SGCZ: variants seen among roughly 807,000 people sequenced by gnomAD.
SGCZ encodes the protein zeta-sarcoglycan.
Under a neutral mutation model 41.3 loss-of-function variants are expected in SGCZ, and 40 were observed. That is an observed-to-expected ratio of 0.97 (90% CI 0.75 to 1.26). SGCZ has a LOEUF of 1.26. Among genes scored for constraint, SGCZ ranks in the 50% most tolerant of loss-of-function variants. The pLI, the probability that SGCZ is intolerant of heterozygous loss-of-function variation, is 0.00. For synonymous variants in SGCZ, 206 were observed against 137.5 expected (o/e 1.50, Z -3.49); for missense variants, 552 against 369.8 (o/e 1.49, Z -4.04).
chr8:14,399,184 C>G (rs1311127665), intron 2 of SGCZ, among the ~76,000 whole-genome samples: 1 of 152,094 alleles, frequency 6.6e-6, no homozygotes, highest in African/African-American at 2.4e-5. Flanking sequence ...TATCTTTCAT[C>G]AGATTATTTT....
chr8:14,601,514 G>T (rs913849445), intron 1 of SGCZ, among the ~76,000 whole-genome samples: 10 of 152,002 alleles, frequency 6.6e-5, no homozygotes, highest in African/African-American at 2.2e-4. Flanking sequence ...TGATCTTTTG[G>T]ACAATTTATG....
chr8:14,258,707 A>G (rs935912741), intron 3 of SGCZ, among the ~76,000 whole-genome samples: 1 of 152,198 alleles, frequency 6.6e-6, no homozygotes, highest in African/African-American at 2.4e-5. Flanking sequence ...TGATTAGTTT[A>G]CCTGCAAGCA....
At chr8:14,910,457 A>G (rs1280970758) in intron 1 of SGCZ, among the ~76,000 whole-genome samples, 5 of 151,830 alleles carry the variant, frequency 3.3e-5, no homozygotes. Context: ...AATTTATTAA[A>G]TCTTAAATTT....
chr8:14,186,695 C>T (rs191910264), intron 4 of SGCZ, among the ~76,000 whole-genome samples: 1 of 152,162 alleles, frequency 6.6e-6, no homozygotes, highest in Admixed American at 6.6e-5. Context: ...ACAGGGGGTT[C>T]TGAAGCCTAT....
chr8:14,242,359 G>C (rs1369561466), intron 3 of SGCZ, among the ~76,000 whole-genome samples: 2 of 152,146 alleles, frequency 1.3e-5, no homozygotes, highest in African/African-American at 2.4e-5. Flanking sequence ...CAGTTATGAA[G>C]CTTACAATAA....
Position 14,554,935 on chromosome 8 carries a change from GA to G in SGCZ, c.40-10del. On this transcript the variant is annotated splice_polypyrimidine_tract_variant and intron_variant, in intron 1 of 7. Coordinates refer to ENST00000382080, the MANE Select transcript of SGCZ (RefSeq NM_139167.4). ...TATTGTTCTCGTGTCATCTGAAAAA[GA>G]AAAAAGAAAGAAAGAGAAAGAAGGA... 7.2e-7 allele frequency: 1 copy of G among 1,384,950 alleles called. No individual in the cohort carries two copies. The allele number at this position is 1,384,950 out of a possible 1,614,324, so 85.8% of individuals were successfully genotyped here.
intron 1 of SGCZ, among the ~76,000 whole-genome samples, chr8:14,651,307 CAT>C (rs1807391487): frequency 4.6e-5 from 7 of 152,154 alleles, no homozygotes. Context: ...ATATTTTTAA[CAT>C]ATTATTTCCT....
At chr8:15,030,554 T>C (rs1803622945) in intron 1 of SGCZ, among the ~76,000 whole-genome samples, 1 of 152,072 alleles carries the variant, frequency 6.6e-6, no homozygotes, top group African/African-American at 2.4e-5. Context: ...AGAAGAGCTG[T>C]AAATGCAGAA....
chr8:14,631,474 C>G (rs983121337), intron 1 of SGCZ, among the ~76,000 whole-genome samples: 1 of 152,046 alleles, frequency 6.6e-6, no homozygotes, highest in African/African-American at 2.4e-5. Context: ...TTAGCAACTA[C>G]TTCAAGTCAT....
At chr8:14,717,843 G>C (rs187792430) in intron 1 of SGCZ, among the ~76,000 whole-genome samples, 65 of 151,976 alleles carry the variant, frequency 4.3e-4, no homozygotes, top group Non-Finnish European at 8.7e-4. Context: ...ATCCACTCTA[G>C]TAACTTCCTA....
rs1455561007 is a variant in SGCZ, at chr8:14,086,127, G to A, written c.*4316C>T. On this transcript the variant is annotated 3_prime_UTR_variant, in exon 8 of 8. Coordinates refer to ENST00000382080, the MANE Select transcript of SGCZ (RefSeq NM_139167.4). ...AATTTCTCCATATGTCATTAAATAT[G>A]ATCACATGAACAACTCTTATTAGAC... Among the ~76,000 whole-genome samples the A allele has an allele frequency of 6.6e-6, 1 of 151,620 alleles. No individual in the cohort carries two copies. The highest frequency in any genetic ancestry group is 2.1e-4 in the South Asian group (1 of 4,836).
At chr8:14,358,721 C>G (rs568383461) in intron 2 of SGCZ, among the ~76,000 whole-genome samples, 121 of 152,134 alleles carry the variant, frequency 8.0e-4, no homozygotes, top group Admixed American at 2.4e-3. Context: ...AAGCAATTCT[C>G]TGCCTCAGCC....
chr8:15,096,945 A>C (rs1455211208), intron 1 of SGCZ, among the ~76,000 whole-genome samples: 3 of 152,070 alleles, frequency 2.0e-5, no homozygotes, highest in African/African-American at 7.2e-5. Flanking sequence ...TCGGCCTCCC[A>C]AAGCAGTGGG....
chr8:14,623,597 GA>G (rs369865853), intron 1 of SGCZ, among the ~76,000 whole-genome samples: 1 of 152,182 alleles, frequency 6.6e-6, no homozygotes, highest in African/African-American at 2.4e-5. Flanking sequence ...CTTTTATTAG[GA>G]TCTTAGCTAG....
At chr8:14,260,490 C>G (rs1328403032) in intron 3 of SGCZ, among the ~76,000 whole-genome samples, 1 of 146,462 alleles carries the variant, frequency 6.8e-6, no homozygotes, top group Non-Finnish European at 1.5e-5. Context: ...CACTTTTACA[C>G]TGTTGGCGGG....
intron 7 of SGCZ, among the ~76,000 whole-genome samples, chr8:14,092,573 G>C (rs550673791): frequency 6.6e-6 from 1 of 152,118 alleles, no homozygotes; most frequent in African/African-American, 2.4e-5. Context: ...CCCAGTGGGA[G>C]ATAGTTAAAT....
intron 1 of SGCZ, among the ~76,000 whole-genome samples, chr8:15,214,111 GA>G (rs1421724160): frequency 1.3e-5 from 2 of 151,696 alleles, no homozygotes; most frequent in African/African-American, 4.8e-5. Context: ...GTTCTCTGAT[GA>G]TCAGCCATGT....
At chr8:14,884,900 C>G (rs541811222) in intron 1 of SGCZ, among the ~76,000 whole-genome samples, 9 of 152,142 alleles carry the variant, frequency 5.9e-5, no homozygotes, top group Non-Finnish European at 1.0e-4. Flanking sequence ...CAAGTGTAGA[C>G]AGGCAGACAG....
intron 1 of SGCZ, among the ~76,000 whole-genome samples, chr8:14,908,294 T>C (rs990290966): frequency 6.6e-6 from 1 of 152,172 alleles, no homozygotes; most frequent in African/African-American, 2.4e-5. Context: ...GTCCTTGTTT[T>C]GAAAATGAGG....
Sources: allele counts gnomAD v4.1 joint callset (sites outside exome capture counted in the v4.1 genomes callset), GRCh38; gene constraint gnomAD v4.1.1; transcripts MANE v1.5; gene names NCBI Gene and HGNC (gene_info 2026-07-23, HGNC 2026-07-21).